The following POM121 variants were observed in gnomAD, a reference collection of about 807,000 sequenced individuals.
POM121 encodes the protein nuclear envelope pore membrane protein POM 121.
POM121 carries 32 observed loss-of-function variants against 81.3 expected under a neutral mutation model. The observed-to-expected ratio is 0.39, with a 90% CI of 0.30 to 0.53. POM121 has a LOEUF of 0.53. Among genes scored for constraint, POM121 ranks in the 20% least tolerant of loss-of-function variants. The pLI is 0.66. For missense variants in POM121, 1,138 were observed against 1,614.6 expected (o/e 0.70, Z 5.06); for synonymous variants, 514 against 694.2 (o/e 0.74, Z 4.08).
In POM121 at chr7:72,945,624, C is replaced by G. The variant is rs782267745; in HGVS notation, c.3568C>G (p.Pro1190Ala). ...TPTFGLNTPA[P>A]GVGTSGSSLS... The stretch of plus-strand genomic sequence containing the variant: ...CACCTTTGGTCTGAACACCCCTGCG[C>G]CTGGAGTGGGCACATCAGGCAGCAG... The change falls in exon 12 of 13, where the codon CCT becomes GCT. Residue 1190 changes from proline (P) to alanine (A), a missense_variant. Transcript: ENST00000434423. 3.7e-6 allele frequency: 6 copies of G among 1,613,506 alleles called. No individual in the cohort carries two copies. In the South Asian group the frequency reaches 4.4e-5, roughly 12 times the overall value.
intron 10 of POM121, among the ~76,000 whole-genome samples, chr7:72,941,613 C>T (rs1307639862): frequency 1.7e-4 from 26 of 151,172 alleles, no homozygotes; most frequent in African/African-American, 6.1e-4. Flanking sequence ...CACATTAGGC[C>T]CCCATTTAGG....
chr7:72,888,095 C>G (rs1281447519), intron 1 of POM121, among the ~76,000 whole-genome samples: 3 of 152,116 alleles, frequency 2.0e-5, no homozygotes, highest in Non-Finnish European at 2.9e-5. Context: ...AGCTCCTGGC[C>G]TCAAGCAATC....
rs528679115 is a variant in POM121, at chr7:72,926,281, A to G, written c.664A>G (p.Asn222Asp). Residue 222 changes from asparagine (N) to aspartate (D), a missense_variant, in exon 2 of 13, where the codon AAT becomes GAT. By Grantham distance (23) the Asn-to-Asp change is conservative. Coordinates refer to ENST00000434423, the MANE Select transcript of POM121 (RefSeq NM_001387691.1). Reference protein sequence around the residue: ...PSPRDCGTLPNRFVITPRRRY... With the variant: ...PSPRDCGTLPDRFVITPRRRY... ...CTGCAGGGATTGTGGGACTTTACCA[A>G]ATCGGTTTGTAATAACACCTAGAAG... The G allele has an allele frequency of 5.4e-5, 84 of 1,565,098 alleles. No homozygotes were observed. In the African/African-American group the frequency reaches 1.1e-3, roughly 20 times the overall value.
upstream of POM121, chr7:72,924,781 C>A (rs1291002282): frequency 1.1e-5 from 3 of 272,064 alleles, no homozygotes; most frequent in Non-Finnish European, 2.0e-5. Context: ...GTGAAAAGTA[C>A]CTGGTAACAG....
intron 5 of POM121, among the ~76,000 whole-genome samples, chr7:72,931,893 A>G (rs1347086426): frequency 6.6e-6 from 1 of 152,182 alleles, no homozygotes; most frequent in Non-Finnish European, 1.5e-5. Context: ...AAATAGCGGT[A>G]TCAGTGTCAT....
chr7:72,893,310 A>G (rs1328888248), intron 3 of POM121, among the ~76,000 whole-genome samples: 1 of 151,168 alleles, frequency 6.6e-6, no homozygotes, highest in African/African-American at 2.4e-5. Context: ...ATGGCCAGGC[A>G]CGGTGGCTCA....
upstream of POM121, chr7:72,924,571 A>T (rs1230900469): frequency 2.0e-5 from 3 of 152,318 alleles, no homozygotes; most frequent in African/African-American, 7.3e-5. Flanking sequence ...CCACCCCCAA[A>T]CCCACTCCCT....
chr7:72,894,576 T>TAA (rs782336455), intron 3 of POM121, among the ~76,000 whole-genome samples: 2 of 78,274 alleles, frequency 2.6e-5, no homozygotes, highest in Non-Finnish European at 2.5e-5. Context: ...GAAACTTCAT[T>TAA]AAAAAAAAAA....
chr7:72,948,390 C>T (rs374893272), downstream of POM121: 118 of 1,613,284 alleles, frequency 7.3e-5, 2 homozygotes, highest in South Asian at 6.8e-4. Flanking sequence ...CCTTTCAAAA[C>T]GCAAACTGCT....
At chr7:72,931,424 C>T (rs1276062971) in intron 5 of POM121, among the ~76,000 whole-genome samples, 1 of 151,896 alleles carries the variant, frequency 6.6e-6, no homozygotes, top group African/African-American at 2.4e-5. Flanking sequence ...GACAGATCCT[C>T]TAGAAAGGGG....
At chr7:72,948,790 A>C (rs1554504018), downstream of POM121, 17 of 1,574,834 alleles carry the variant, frequency 1.1e-5, no homozygotes, top group Non-Finnish European at 1.4e-5. Context: ...GGGGCCGGGC[A>C]GGCAGGGCGG....
intron 5 of POM121, among the ~76,000 whole-genome samples, chr7:72,935,769 C>T (rs1305538219): frequency 1.3e-5 from 2 of 151,778 alleles, no homozygotes; most frequent in Non-Finnish European, 2.9e-5. Context: ...GCGTGAGCCA[C>T]GGCGCCTGGC....
chr7:72,921,863 A>T (rs1239924393), upstream of POM121, among the ~76,000 whole-genome samples: 1 of 152,200 alleles, frequency 6.6e-6, no homozygotes, highest in South Asian at 2.1e-4. Context: ...ATTACCCATG[A>T]AGTGTGTTCG....
rs1331804014 is a variant in POM121, at chr7:72,946,368, G to A, written c.*134G>A. The A allele has an allele frequency of 9.7e-6, 14 of 1,441,510 alleles. No homozygotes were observed. The highest frequency in any genetic ancestry group is 1.4e-5 in the African/African-American group (1 of 69,342). The allele number at this position is 1,441,510 out of a possible 1,614,324, so 89.3% of individuals were successfully genotyped here. A position where few individuals can be genotyped will look rare whatever the true frequency, so the allele number is the denominator to read the frequency against. On this transcript the variant is annotated 3_prime_UTR_variant, in exon 13 of 13. Coordinates refer to ENST00000434423, the MANE Select transcript of POM121 (RefSeq NM_001387691.1). ...GATCTCTGGCTTCAGCCGCCAGGGG[G>A]CAGTGGCAGCCCTGGGGCCCTTTCC...
chr7:72,886,210 G>A (rs1264019483), intron 1 of POM121, among the ~76,000 whole-genome samples: 5 of 151,868 alleles, frequency 3.3e-5, no homozygotes, highest in Non-Finnish European at 7.4e-5. Flanking sequence ...GTCTCACTCT[G>A]TCCCCCAGGC....
intron 5 of POM121, among the ~76,000 whole-genome samples, chr7:72,931,081 A>G (rs1312885714): frequency 1.3e-5 from 2 of 152,202 alleles, no homozygotes; most frequent in African/African-American, 4.8e-5. Flanking sequence ...TCATCAGCCC[A>G]GAAGGCTCTG....
chr7:72,944,452 G>A (rs564055103), intron 11 of POM121, among the ~76,000 whole-genome samples: 1 of 151,966 alleles, frequency 6.6e-6, no homozygotes, highest in Non-Finnish European at 1.5e-5. Context: ...GGACAGTGGG[G>A]GAAAGGAACA....
intron 3 of POM121, among the ~76,000 whole-genome samples, chr7:72,905,068 G>C (rs1793106947): frequency 6.6e-6 from 1 of 152,142 alleles, no homozygotes; most frequent in Admixed American, 6.5e-5. Context: ...CAGATGATTT[G>C]GTTATTGTAA....
At chr7:72,884,552 T>TATATATTTGATAGCAAATATATAC (rs1563129806) in intron 1 of POM121, among the ~76,000 whole-genome samples, 3 of 143,130 alleles carry the variant, frequency 2.1e-5, no homozygotes, top group African/African-American at 5.2e-5. Context: ...ATACATATAA[T>TATATATTTGATAGCAAATATATAC]ATATATTTGA....
Sources: allele counts gnomAD v4.1 joint callset (sites outside exome capture counted in the v4.1 genomes callset), GRCh38; gene constraint gnomAD v4.1.1; transcripts MANE v1.5; gene names NCBI Gene and HGNC (gene_info 2026-07-23, HGNC 2026-07-21).